The following SLC5A7 variants were observed in gnomAD, a reference collection of about 807,000 sequenced individuals.
The protein encoded by SLC5A7 is high affinity choline transporter 1.
A neutral mutation model predicts 55.4 loss-of-function variants in SLC5A7; 19 were observed. That is an observed-to-expected ratio of 0.34 (90% confidence interval 0.24 to 0.50). The LOEUF (loss-of-function observed/expected upper bound fraction) is 0.50. SLC5A7 is among the 20% of genes least tolerant of loss of function. The probability of loss-of-function intolerance (pLI) is 0.98; values close to 1 mark genes in which losing one functional copy is unlikely to be tolerated. For missense variants in SLC5A7, 506 were observed against 705.3 expected (o/e 0.72, Z 3.20); for synonymous variants, 265 against 263.7 (o/e 1.00, Z -0.05).
At position 108,011,792 on chromosome 2, in the gene SLC5A7, G is replaced by A. The variant is rs1009533698; in HGVS notation, c.*931G>A. ...ACACAGCATCTGTTACGGTTAATGA[G>A]AGGCACACTGCTAAATTTACGTATA... On this transcript the variant is annotated 3_prime_UTR_variant, in exon 9 of 9. Transcript: ENST00000264047. 6.6e-6 allele frequency: 1 copy of A among 152,084 alleles called. No individual in the cohort carries two copies. The highest frequency in any genetic ancestry group is 2.4e-5 in the African/African-American group (1 of 41,404). The allele number at this position is 152,084 out of a possible 1,614,324, so 9.4% of individuals were successfully genotyped here. A position where few individuals can be genotyped will look rare whatever the true frequency, so the allele number is the denominator to read the frequency against.
intron 5 of SLC5A7, among the ~76,000 whole-genome samples, chr2:108,001,486 T>A (rs1281637578): frequency 3.3e-5 from 5 of 151,486 alleles, no homozygotes; most frequent in South Asian, 4.2e-4. Context: ...ATCCCGGCTA[T>A]AACGGTGAAA....
At chr2:108,001,448 C>T (rs1346097753) in intron 5 of SLC5A7, among the ~76,000 whole-genome samples, 3 of 151,646 alleles carry the variant, frequency 2.0e-5, no homozygotes, top group African/African-American at 4.8e-5. Context: ...CCGAGGCGGG[C>T]GGATCACGAG....
In SLC5A7 at chr2:108,008,544, G is replaced by C. The variant is rs1242944307; in HGVS notation, c.975G>C (p.Gln325His). The C allele has an allele frequency of 6.2e-7, 1 of 1,613,604 alleles. No individual in the cohort carries two copies. The highest frequency in any genetic ancestry group is 2.2e-5 in the East Asian group (1 of 44,848). Residue 325 changes from glutamine (Q) to histidine (H), a missense_variant, in exon 8 of 9, where the codon CAG (glutamine) becomes CAC (histidine). Gln to His is a conservative substitution (Grantham distance 24, BLOSUM62 0). Coordinates refer to ENST00000264047, the MANE Select transcript of SLC5A7 (RefSeq NM_021815.5). Reference sequence around the variant, plus strand: ...ACATGATTTTACCAATTGTTCTGCAGTATCTCTGCCCTGTGTATATTTCTT... The same window carrying C: ...ACATGATTTTACCAATTGTTCTGCACTATCTCTGCCCTGTGTATATTTCTT... Reference protein sequence around the residue: ...EADMILPIVLQYLCPVYISFF... With the variant: ...EADMILPIVLHYLCPVYISFF...
chr2:107,989,767 A>G (rs138647875), intron 2 of SLC5A7, among the ~76,000 whole-genome samples: 142 of 152,382 alleles, frequency 9.3e-4, no homozygotes, highest in African/African-American at 3.3e-3. Context: ...AAGCTGCTGC[A>G]TATCAAAATA....
In SLC5A7 at chr2:108,001,913, T is replaced by C. The variant is rs1344160532; in HGVS notation, c.614T>C (p.Phe205Ser). 1 of 1,614,146 alleles carries C rather than the reference T, an allele frequency of 6.2e-7. No individual in the cohort carries two copies. The highest frequency in any genetic ancestry group is 8.5e-7 in the Non-Finnish European group (1 of 1,180,018). The change falls in exon 6 of 9, where the codon TTT becomes TCT. Residue 205 changes from phenylalanine (F) to serine (S), a missense_variant. Around this residue, in one of 4 missense-constraint regions of SLC5A7, gnomAD observed 309 missense variants for 478.6 expected, o/e 0.65. Coordinates refer to ENST00000264047, the MANE Select transcript of SLC5A7 (RefSeq NM_021815.5). ...CTGTTGCAGTGGATCAGCGTCCCCT[T>C]TGCATTGTCACATCCTGCAGTCGCA... ...IFVGLWISVP[F>S]ALSHPAVADI... is the part of the protein sequence containing the mutation.
intron 8 of SLC5A7, 105 bp downstream of exon 8, chr2:108,008,787 G>A: frequency 1.3e-6 from 1 of 784,258 alleles, no homozygotes; most frequent in Non-Finnish European, 1.9e-6. Flanking sequence ...AATATTCTAT[G>A]TTAAATCTGA....
At chr2:107,989,473 A>G (rs1183009478) in intron 2 of SLC5A7, among the ~76,000 whole-genome samples, 2 of 152,174 alleles carry the variant, frequency 1.3e-5, no homozygotes, top group African/African-American at 4.8e-5. Context: ...TTGACATTTT[A>G]TCTTTGTTTA....
chr2:107,995,476 T>A lies in SLC5A7; in HGVS notation c.448+2349T>A, dbSNP rs954834135. ...GAGAGAGAGAGAGAGAGAGAGTGTG[T>A]GTGTGTGTGTGTGTGTGTGTGTGTG... On this transcript the variant is annotated intron_variant, in intron 4 of 8. Transcript: ENST00000264047. 1.3e-3 allele frequency among the ~76,000 whole-genome samples: 186 copies of A among 148,388 alleles called. 1 individual carries two copies. Among genetic ancestry groups the A allele is most frequent in the Middle Eastern group, 0.011 (3 of 284 alleles).
chr2:107,997,097 A>G (rs1388452018), intron 4 of SLC5A7, among the ~76,000 whole-genome samples: 2 of 152,224 alleles, frequency 1.3e-5, no homozygotes, highest in African/African-American at 4.8e-5. Flanking sequence ...ATGGGTGATC[A>G]TGTTTCTCAG....
In SLC5A7 at chr2:108,010,799, G is replaced by C; in HGVS notation, c.1681G>C (p.Glu561Gln). 1.9e-6 allele frequency: 3 copies of C among 1,612,720 alleles called. No homozygotes were observed. The highest frequency in any genetic ancestry group is 2.5e-6 in the Non-Finnish European group (3 of 1,179,686). The change falls in exon 9 of 9, where the codon GAG becomes CAG. Residue 561 changes from glutamate to glutamine, a missense_variant. Physicochemically the swap from Glu to Gln is conservative, Grantham distance 29. Transcript: ENST00000264047. Reference sequence around the variant, plus strand: ...CCTCAGCTCAACTTTCACCAATAAAGAGGCCTTCCTTGATGTTGATTCCAG... The same window carrying C: ...CCTCAGCTCAACTTTCACCAATAAACAGGCCTTCCTTGATGTTGATTCCAG... ...MTLSSTFTNK[E>Q]AFLDVDSSPE...
In SLC5A7 at chr2:108,010,249, C is replaced by T. The variant is rs267598829; in HGVS notation, c.1131C>T (p.Ile377=). The change falls in exon 9 of 9, where the codon ATC becomes ATT. Residue 377 remains isoleucine, a synonymous_variant. Transcript: ENST00000264047. ...TCTTACAGGCTTCGGACAAAGAAATCGTTTGGGTTATGCGAATCACAGTGT... is the reference window on the plus strand; with the variant it reads ...TCTTACAGGCTTCGGACAAAGAAATTGTTTGGGTTATGCGAATCACAGTGT... ...SFRQNASDKE[I]VWVMRITVFV... 8 of 1,613,222 alleles carry T rather than the reference C, an allele frequency of 5.0e-6. No homozygotes were observed. Among genetic ancestry groups the T allele is most frequent in the African/African-American group, 1.3e-5 (1 of 74,988 alleles).
chr2:108,003,449 T>C (rs1481797287), intron 6 of SLC5A7, among the ~76,000 whole-genome samples: 1 of 152,232 alleles, frequency 6.6e-6, no homozygotes, highest in Non-Finnish European at 1.5e-5. Flanking sequence ...GTCATATTCA[T>C]GATTCAAATT....
At chr2:107,992,917 A>G in intron 3 of SLC5A7, 55 bp from the exon 4 acceptor site, 1 of 1,578,498 alleles carries the variant, frequency 6.3e-7, no homozygotes, top group South Asian at 1.2e-5. Context: ...GCATAGTAAA[A>G]GACTATTATA....
At chr2:107,999,241 T>C (rs1423869370) in intron 5 of SLC5A7, among the ~76,000 whole-genome samples, 2 of 152,202 alleles carry the variant, frequency 1.3e-5, no homozygotes, top group Non-Finnish European at 2.9e-5. Flanking sequence ...TTCTGATTTT[T>C]CCTTAGCATC....
chr2:107,992,678 A>G (rs1480529335), intron 3 of SLC5A7, among the ~76,000 whole-genome samples: 2 of 152,212 alleles, frequency 1.3e-5, no homozygotes, highest in African/African-American at 4.8e-5. Context: ...ATGTTGAGAG[A>G]TAGAAATGCA....
intron 5 of SLC5A7, among the ~76,000 whole-genome samples, chr2:108,001,529 C>A (rs1199325965): frequency 3.3e-5 from 5 of 151,102 alleles, no homozygotes; most frequent in Admixed American, 3.3e-4. Flanking sequence ...AAAAATTAGC[C>A]GGGCGTAGTG....
chr2:107,991,882 A>G (rs1441466527), intron 2 of SLC5A7, among the ~76,000 whole-genome samples: 2 of 152,220 alleles, frequency 1.3e-5, no homozygotes, highest in African/African-American at 4.8e-5. Flanking sequence ...TTAATAGTAT[A>G]ACTTATGTAA....
At position 108,010,301 on chromosome 2, in the gene SLC5A7, A is replaced by G; in HGVS notation, c.1183A>G (p.Met395Val). The change falls in exon 9 of 9, where the codon ATG becomes GTG. Residue 395 changes from methionine to valine, a missense_variant. Met to Val is a conservative substitution (Grantham distance 21). Coordinates refer to ENST00000264047, the MANE Select transcript of SLC5A7 (RefSeq NM_021815.5). The part of the protein sequence containing the change: ...VFVFGASATA[M>V]ALLTKTVYGL... ...TGTGTTTGGAGCATCTGCAACAGCCATGGCCTTGCTGACGAAAACTGTGTA... is the reference window on the plus strand; with the variant it reads ...TGTGTTTGGAGCATCTGCAACAGCCGTGGCCTTGCTGACGAAAACTGTGTA... 2 of 1,613,990 alleles carry G rather than the reference A, an allele frequency of 1.2e-6. No individual in the cohort carries two copies. The highest frequency in any genetic ancestry group is 1.7e-6 in the Non-Finnish European group (2 of 1,179,928).
chr2:108,002,668 G>A (rs1677960135), intron 6 of SLC5A7, among the ~76,000 whole-genome samples: 1 of 152,118 alleles, frequency 6.6e-6, no homozygotes, highest in African/African-American at 2.4e-5. Context: ...TTACGACTGT[G>A]CTAATTAGAG....
Sources: gnomAD v4.1 joint callset for allele counts (sites outside exome capture counted in the v4.1 genomes callset) on GRCh38, gnomAD v4.1.1 for gene constraint, gnomAD v4.1.1 regional missense constraint, MANE v1.5 for transcripts, NCBI Gene and HGNC (gene_info 2026-07-23, HGNC 2026-07-21) for gene names.